BLTP1: variants seen among roughly 807,000 people sequenced by gnomAD.
BLTP1 encodes the protein fragile site-associated protein.
chr4:122,243,008 A>G, the BLTP1 span: 3 of 1,598,360 alleles, frequency 1.9e-6, no homozygotes, highest in Admixed American at 3.3e-5. Context: ...GTTATCAAGC[A>G]GGGGCTCACA....
At chr4:122,153,008 C>G in the BLTP1 span, 6 of 985,244 alleles carry the variant, frequency 6.1e-6, no homozygotes, top group South Asian at 4.7e-5. Context: ...GAACAACCCC[C>G]GCTTTCTTCT....
chr4:122,255,744 G>A, the BLTP1 span, among the ~76,000 whole-genome samples: 1 of 152,208 alleles, frequency 6.6e-6, no homozygotes, highest in African/African-American at 2.4e-5. Flanking sequence ...AGTAGAAGCT[G>A]TAGACATGGA....
chr4:122,231,981 T>C, the BLTP1 span: 1 of 845,874 alleles, frequency 1.2e-6, no homozygotes, highest in Non-Finnish European at 1.4e-6. Flanking sequence ...TGGATTTCTT[T>C]GTTATATGTT....
chr4:122,356,818 G>T, the BLTP1 span: 1 of 1,564,536 alleles, frequency 6.4e-7, no homozygotes, highest in South Asian at 1.2e-5. Flanking sequence ...CCATTTACAT[G>T]AATTGTTATG....
the BLTP1 span, chr4:122,181,339 G>A: frequency 2.5e-6 from 1 of 400,516 alleles, no homozygotes; most frequent in Non-Finnish European, 3.4e-6. Context: ...TCCTGATAGA[G>A]CAATTCAAAA....
At chr4:122,353,142 A>G in the BLTP1 span, 2 of 1,613,422 alleles carry the variant, frequency 1.2e-6, no homozygotes, top group Non-Finnish European at 1.7e-6. The surrounding 1 kb of genome is among the most constrained non-coding windows in gnomAD (Gnocchi z 4.3). Flanking sequence ...AAGCTCAGAA[A>G]ATCTGGGAAG....
the BLTP1 span, chr4:122,254,451 G>A: frequency 1.6e-6 from 2 of 1,276,492 alleles, no homozygotes; most frequent in Non-Finnish European, 2.1e-6. Flanking sequence ...GGTATATATA[G>A]TATTAAGGTT....
At chr4:122,306,012 A>G in the BLTP1 span, 28 of 1,610,258 alleles carry the variant, frequency 1.7e-5, no homozygotes, top group Admixed American at 3.4e-5. Flanking sequence ...GAATAGACCA[A>G]TTGTTTATGC....
At chr4:122,166,198 T>C in the BLTP1 span, among the ~76,000 whole-genome samples, 3 of 152,324 alleles carry the variant, frequency 2.0e-5, no homozygotes, top group South Asian at 6.2e-4. Context: ...AGGGTTTTTA[T>C]GGTTTTAGGT....
the BLTP1 span, chr4:122,355,881 A>G: frequency 6.2e-7 from 1 of 1,612,902 alleles, no homozygotes; most frequent in Admixed American, 1.7e-5. Flanking sequence ...GTGGATTCAG[A>G]GGAGGTTCTA....
chr4:122,171,138 T>C, the BLTP1 span, among the ~76,000 whole-genome samples: 4 of 152,336 alleles, frequency 2.6e-5, no homozygotes, highest in Non-Finnish European at 5.9e-5. Flanking sequence ...AATAGAATTA[T>C]ATGCCTAATC....
chr4:122,354,476 G>GT, the BLTP1 span, among the ~76,000 whole-genome samples: 134,499 of 147,456 alleles, frequency 0.91, 62,264 homozygotes, highest in East Asian at 0.99. Flanking sequence ...GCTTTTGATA[G>GT]TTTTTTTTTT....
chr4:122,170,031 G>A, the BLTP1 span: 1 of 981,346 alleles, frequency 1.0e-6, no homozygotes, highest in East Asian at 1.1e-4. Context: ...ATCACGCTGG[G>A]CGCGGTGGCT....
the BLTP1 span, chr4:122,208,295 A>G: frequency 8.6e-6 from 6 of 701,088 alleles, no homozygotes; most frequent in Non-Finnish European, 8.8e-6. Context: ...GAGCTTTTGT[A>G]ACTCATCATA....
chr4:122,351,507 T>TTTGTCCAATGGA, the BLTP1 span, among the ~76,000 whole-genome samples: 4 of 152,184 alleles, frequency 2.6e-5, no homozygotes, highest in African/African-American at 9.6e-5. Flanking sequence ...CTATAATGGT[T>TTTGTCCAATGGA]TTGTCCAAAC....
At chr4:122,209,166 A>T in the BLTP1 span, 1 of 1,604,640 alleles carries the variant, frequency 6.2e-7, no homozygotes, top group Admixed American at 1.7e-5. Flanking sequence ...TAGGGAGAAG[A>T]TGTTGATCTT....
the BLTP1 span, chr4:122,256,869 T>C: frequency 3.3e-6 from 1 of 300,940 alleles, no homozygotes; most frequent in Admixed American, 6.5e-5. Context: ...ATAATTTTAC[T>C]TCCTCTTTGC....
chr4:122,351,338 A>G, the BLTP1 span: 1 of 447,482 alleles, frequency 2.2e-6, no homozygotes, highest in Admixed American at 6.4e-5. Flanking sequence ...ACACCTCCAG[A>G]TATTTTTCTG....
At chr4:122,176,446 A>T in the BLTP1 span, among the ~76,000 whole-genome samples, 2 of 152,334 alleles carry the variant, frequency 1.3e-5, no homozygotes, top group East Asian at 1.9e-4. Context: ...AATAATTTGA[A>T]TTGTTTGTAA....
Sources: allele counts gnomAD v4.1 joint callset (sites outside exome capture counted in the v4.1 genomes callset), GRCh38; gene constraint gnomAD v4.1.1; non-coding constraint Gnocchi (gnomAD v3.1); transcripts MANE v1.5; gene names NCBI Gene and HGNC (gene_info 2026-07-23, HGNC 2026-07-21).